The following AGBL4 variants were observed in gnomAD, a reference collection of about 807,000 sequenced individuals.
AGBL4 encodes cytosolic carboxypeptidase 6.
A neutral mutation model predicts 66.4 loss-of-function variants in AGBL4; 58 were observed. The observed-to-expected ratio is 0.87, with a 90% CI of 0.71 to 1.09. The LOEUF is 1.09. Among genes scored for constraint, AGBL4 ranks in the 50% least tolerant of loss-of-function variants. AGBL4 has a pLI of 0.00. For synonymous variants in AGBL4, 234 were observed against 222.9 expected (o/e 1.05, Z -0.44); for missense variants, 579 against 631.0 (o/e 0.92, Z 0.88).
chr1:48,627,558 T>G (rs1198813317), intron 9 of AGBL4, among the ~76,000 whole-genome samples: 1 of 151,624 alleles, frequency 6.6e-6, no homozygotes, highest in African/African-American at 2.4e-5. Context: ...GAGCAGCTTA[T>G]CTTAAGGGCT....
At chr1:49,494,933 CCT>C (rs1157995994) in intron 3 of AGBL4, among the ~76,000 whole-genome samples, 1 of 152,014 alleles carries the variant, frequency 6.6e-6, no homozygotes, top group Non-Finnish European at 1.5e-5. Context: ...CTCTCCAGCA[CCT>C]GTTTCCTGAC....
chr1:48,998,129 G>A (rs3118223), intron 5 of AGBL4, among the ~76,000 whole-genome samples: 84,615 of 151,964 alleles, frequency 0.56, 24,101 homozygotes, highest in Non-Finnish European at 0.61. Flanking sequence ...CAATTTCATC[G>A]ATTATCCCTT....
At chr1:48,620,364 C>T (rs1645391784) in intron 9 of AGBL4, among the ~76,000 whole-genome samples, 2 of 152,102 alleles carry the variant, frequency 1.3e-5, no homozygotes, top group South Asian at 4.2e-4. Flanking sequence ...TCAAACAATC[C>T]CCACTGAGCT....
intron 5 of AGBL4, among the ~76,000 whole-genome samples, chr1:49,033,190 AG>A (rs1335814592): frequency 1.3e-5 from 2 of 152,100 alleles, no homozygotes; most frequent in African/African-American, 4.8e-5. Flanking sequence ...AATTATGCCA[AG>A]AGAATGGTGA....
intron 4 of AGBL4, among the ~76,000 whole-genome samples, chr1:49,065,765 A>T (rs907078669): frequency 6.6e-6 from 1 of 152,220 alleles, no homozygotes; most frequent in South Asian, 2.1e-4. Flanking sequence ...CTAAAATAGA[A>T]GAAAAGAGTA....
At chr1:49,414,304 A>G (rs958263081) in intron 3 of AGBL4, among the ~76,000 whole-genome samples, 2 of 152,182 alleles carry the variant, frequency 1.3e-5, no homozygotes, top group African/African-American at 4.8e-5. Flanking sequence ...AGGGAAATAC[A>G]TGAGAAAAAA....
At chr1:49,714,984 T>G (rs1202267455) in intron 2 of AGBL4, among the ~76,000 whole-genome samples, 2 of 152,162 alleles carry the variant, frequency 1.3e-5, no homozygotes, top group African/African-American at 2.4e-5. Flanking sequence ...TTTTCAATTA[T>G]ACTTTAAGTT....
intron 5 of AGBL4, among the ~76,000 whole-genome samples, chr1:48,907,846 G>A (rs1336278153): frequency 6.6e-6 from 1 of 152,158 alleles, no homozygotes; most frequent in Non-Finnish European, 1.5e-5. Context: ...AATCCTGGAA[G>A]AGAGCTCAGA....
chr1:49,567,644 A>T lies in AGBL4; in HGVS notation c.282+129669T>A, dbSNP rs1644241019. 2.0e-5 allele frequency among the ~76,000 whole-genome samples: 3 copies of T among 152,166 alleles called. No individual in the cohort carries two copies. The South Asian group carries it at 6.2e-4, about 32-fold the overall frequency. On this transcript the variant is annotated intron_variant, in intron 3 of 13. Coordinates refer to ENST00000371839, the MANE Select transcript of AGBL4 (RefSeq NM_032785.4). Reference sequence around the variant, plus strand: ...TACATAGGGAAACATGTGCCATGGTAGTTTTCTGCACCTATCAACCCATTC... The same window carrying T: ...TACATAGGGAAACATGTGCCATGGTTGTTTTCTGCACCTATCAACCCATTC...
rs559458492 is a variant in AGBL4 at position 48,546,593 on chromosome 1, GC to G, written c.1268-6856del. Among the ~76,000 whole-genome samples the G allele has an allele frequency of 2.0e-5, 3 of 152,300 alleles. No individual in the cohort carries two copies. The South Asian group carries it at 6.2e-4, about 32-fold the overall frequency. ...GTGGAAGGTGACGCTGAAATATTAG[GC>G]TAGAGACAAGTGAGTGAAGGCTTTG... On this transcript the variant is annotated intron_variant, in intron 11 of 13. Transcript: ENST00000371839.
At chr1:49,421,382 C>T (rs1032559709) in intron 3 of AGBL4, among the ~76,000 whole-genome samples, 3 of 144,408 alleles carry the variant, frequency 2.1e-5, no homozygotes, top group Non-Finnish European at 3.0e-5. Flanking sequence ...CTACGGGGGG[C>T]GGGGGGAAGC....
chr1:49,116,741 T>A (rs1157496379), intron 4 of AGBL4, among the ~76,000 whole-genome samples: 1 of 152,186 alleles, frequency 6.6e-6, no homozygotes, highest in Non-Finnish European at 1.5e-5. Flanking sequence ...TACCCAGTAA[T>A]GGGATTGCTG....
intron 4 of AGBL4, among the ~76,000 whole-genome samples, chr1:49,063,935 T>C (rs1557609012): frequency 6.6e-6 from 1 of 152,240 alleles, no homozygotes; most frequent in Non-Finnish European, 1.5e-5. Context: ...AGAGCAGTAG[T>C]GAGAAGAGAG....
intron 3 of AGBL4, among the ~76,000 whole-genome samples, chr1:49,341,430 G>A (rs1167850092): frequency 6.6e-6 from 1 of 152,098 alleles, no homozygotes; most frequent in Non-Finnish European, 1.5e-5. Flanking sequence ...AGACATAGGA[G>A]GTTAAAGGCC....
At chr1:48,723,144 C>G (rs1381611208) in intron 6 of AGBL4, among the ~76,000 whole-genome samples, 1 of 152,134 alleles carries the variant, frequency 6.6e-6, no homozygotes, top group Admixed American at 6.5e-5. Flanking sequence ...AGAATTTGAG[C>G]TATTTATTAG....
chr1:49,487,831 G>A (rs540103260), intron 3 of AGBL4, among the ~76,000 whole-genome samples: 1 of 151,900 alleles, frequency 6.6e-6, no homozygotes, highest in East Asian at 1.9e-4. Context: ...GTACAGACAG[G>A]GTTTGAACCC....
At chr1:49,893,123 A>G (rs1571818235) in intron 1 of AGBL4, among the ~76,000 whole-genome samples, 1 of 152,194 alleles carries the variant, frequency 6.6e-6, no homozygotes, top group Non-Finnish European at 1.5e-5. Flanking sequence ...TTAGAAGGGA[A>G]GGAAGAAGGT....
At chr1:48,743,169 G>A (rs190532282) in intron 6 of AGBL4, among the ~76,000 whole-genome samples, 1 of 152,262 alleles carries the variant, frequency 6.6e-6, no homozygotes. Context: ...ATCTTACAGT[G>A]GAGAAGGCCG....
At chr1:49,842,079 C>G in intron 2 of AGBL4, 1 of 347,790 alleles carries the variant, frequency 2.9e-6, no homozygotes, top group Non-Finnish European at 5.4e-6. Context: ...CTGCCCTCTA[C>G]CTGCATGCCC....
Sources: gnomAD v4.1 joint callset for allele counts (sites outside exome capture counted in the v4.1 genomes callset) on GRCh38, gnomAD v4.1.1 for gene constraint, MANE v1.5 for transcripts, NCBI Gene and HGNC (gene_info 2026-07-23, HGNC 2026-07-21) for gene names.